ESX1: variants seen among roughly 807,000 people sequenced by gnomAD.
ESX1 encodes the protein homeobox protein ESX1.
A neutral mutation model predicts 13.2 loss-of-function variants in ESX1; 2 were observed. The observed-to-expected ratio is 0.15, with a 90% CI of 0.06 to 0.48. ESX1 has a LOEUF of 0.48. Ranked by LOEUF, ESX1 falls within the 20% of genes least tolerant of loss-of-function variation. The pLI, the probability that ESX1 is intolerant of heterozygous loss-of-function variation, is 0.97. For missense variants in ESX1, 307 were observed against 379.0 expected, an observed-to-expected ratio of 0.81 and a Z score of 1.58; for synonymous variants, 157 against 163.1, an observed-to-expected ratio of 0.96 and a Z score of 0.29.
Position 104,254,567 on chromosome X carries a change from A to G in ESX1, c.93T>C (p.Leu31=). 8.3e-7 allele frequency: 1 copy of G among 1,208,213 alleles called. No individual in the cohort carries two copies. The highest frequency in any genetic ancestry group is 1.1e-6 in the Non-Finnish European group (1 of 892,727). The stretch of plus-strand genomic sequence containing the variant: ...CCCTTGCCATCAGCGAGGTCACGGT[A>G]AGTTTCTCATCTGGGAAGGGAGGAA... ...EDIEEVNDEK[L]TVTSLMARGG... Residue 31 remains leucine (L), a synonymous_variant, in exon 2 of 4, where the codon CTT becomes CTC. Coordinates refer to ENST00000372588, the MANE Select transcript of ESX1 (RefSeq NM_153448.4).
At chrX:104,252,069 T>C (rs782706700) in intron 3 of ESX1, among the ~76,000 whole-genome samples, 4 of 112,050 alleles carry the variant, frequency 3.6e-5, no homozygotes, top group African/African-American at 1.3e-4. Context: ...TACCACTTAA[T>C]TGAAATATGT....
rs562250814 is a variant in ESX1 at position 104,250,719 on chromosome X, G to A, written c.730C>T (p.Pro244Ser). ...CVHLVPQLPR[P>S]PVLPVPPMPP... ...ATAGGTGGCACAGGCAGCACAGGTG[G>A]TCTAGGTAGTTGTGGCACCAGATGA... Residue 244 changes from proline to serine, a missense_variant, in exon 4 of 4, where the codon CCA becomes TCA. Pro to Ser is a moderately conservative substitution (Grantham distance 74, BLOSUM62 -1). This residue lies in a region of ESX1 where 108 missense variants were observed against 147.5 expected (regional missense o/e 0.73). Transcript: ENST00000372588. 5.0e-6 allele frequency: 6 copies of A among 1,210,216 alleles called. No homozygotes were observed. In the African/African-American group the frequency reaches 7.0e-5, roughly 14 times the overall value.
chrX:104,253,781 G>C (rs1416205765), intron 2 of ESX1, among the ~76,000 whole-genome samples: 1 of 112,273 alleles, frequency 8.9e-6, no homozygotes, highest in Non-Finnish European at 1.9e-5. Context: ...GTAAAAGTGC[G>C]CTCCACGTGG....
intron 3 of ESX1, among the ~76,000 whole-genome samples, chrX:104,252,073 AAT>A (rs1352282353): frequency 8.9e-6 from 1 of 111,825 alleles, no homozygotes; most frequent in Admixed American, 9.5e-5. Flanking sequence ...ACTTAATTGA[AAT>A]ATGTTAGCAA....
intron 3 of ESX1, among the ~76,000 whole-genome samples, chrX:104,252,394 C>T (rs1923204078): frequency 1.8e-5 from 2 of 111,643 alleles, no homozygotes; most frequent in Admixed American, 9.5e-5. Flanking sequence ...TAGAGGATAC[C>T]AGTGTTAGAA....
intron 1 of ESX1, 31 bp from the exon 2 acceptor site, chrX:104,254,608 A>C (rs1923283154): frequency 1.2e-5 from 14 of 1,190,789 alleles, no homozygotes; most frequent in Non-Finnish European, 1.5e-5. Flanking sequence ...AAGAGACACC[A>C]GGGCGTTGGA....
intron 3 of ESX1, among the ~76,000 whole-genome samples, chrX:104,252,548 G>T (rs1319882117): frequency 8.9e-6 from 1 of 112,287 alleles, no homozygotes; most frequent in African/African-American, 3.2e-5. Flanking sequence ...GAAGGAAGAT[G>T]AAAACACATC....
chrX:104,251,834 G>GT (rs1347855466), intron 3 of ESX1, among the ~76,000 whole-genome samples: 2 of 111,533 alleles, frequency 1.8e-5, no homozygotes, highest in African/African-American at 3.3e-5. Context: ...CATCTAAGAT[G>GT]TTTTTTCTAA....
chrX:104,254,104 G>T (rs1368507017), intron 2 of ESX1, 50 bp downstream of exon 2: 2 of 1,150,909 alleles, frequency 1.7e-6, no homozygotes, highest in Non-Finnish European at 1.2e-6. Flanking sequence ...TTTTAGCTCC[G>T]GTGAAAGGGT....
chrX:104,250,125 C>A lies in ESX1; in HGVS notation c.*103G>T. 1 of 925,309 alleles carries A rather than the reference C, an allele frequency of 1.1e-6. No homozygotes were observed. Among genetic ancestry groups the A allele is most frequent in the Non-Finnish European group, 1.4e-6 (1 of 694,220 alleles). The allele number at this position is 925,309 out of a possible 1,213,427, so 76.3% of individuals were successfully genotyped here. A position where few individuals can be genotyped will look rare whatever the true frequency, so the allele number is the denominator to read the frequency against. On this transcript the variant is annotated 3_prime_UTR_variant, in exon 4 of 4. Coordinates refer to ENST00000372588, the MANE Select transcript of ESX1 (RefSeq NM_153448.4). The stretch of plus-strand genomic sequence containing the variant: ...CATTCGTTAACTTTGTTCACCTACC[C>A]ACTTCATTTAACAAGCATCTAACGA...
intron 2 of ESX1, 50 bp downstream of exon 2, chrX:104,254,104 G>C (rs1368507017): frequency 8.7e-7 from 1 of 1,149,320 alleles, no homozygotes; most frequent in African/African-American, 1.8e-5. Flanking sequence ...TTTTAGCTCC[G>C]GTGAAAGGGT....
In ESX1 at chrX:104,250,770, G is replaced by C; in HGVS notation, c.679C>G (p.Pro227Ala). ...ACACACAAAGCAGGATCCAGAGCAG[G>C]AGCAGCATAATAGGCCCCACCCAAG... ...MFLGGAYYAA[P>A]ALDPALCVHL... Residue 227 changes from proline (P) to alanine (A), a missense_variant, in exon 4 of 4, where the codon CCT (proline) becomes GCT (alanine). By Grantham distance (27) the Pro-to-Ala change is conservative (BLOSUM62 -1). This residue lies in a region of ESX1 where 108 missense variants were observed against 147.5 expected (regional missense o/e 0.73). Coordinates refer to ENST00000372588, the MANE Select transcript of ESX1 (RefSeq NM_153448.4). 8.3e-7 allele frequency: 1 copy of C among 1,211,694 alleles called. No homozygotes were observed. The highest frequency in any genetic ancestry group is 1.1e-6 in the Non-Finnish European group (1 of 895,472).
In ESX1 at chrX:104,250,052, A is replaced by C. The variant is rs1160859774; in HGVS notation, c.*176T>G. The C allele has an allele frequency of 1.6e-5, 10 of 610,049 alleles. No homozygotes were observed. The highest frequency in any genetic ancestry group is 2.4e-5 in the Non-Finnish European group (10 of 419,788). The allele number at this position is 610,049 out of a possible 1,213,427, so 50.3% of individuals were successfully genotyped here. A position where few individuals can be genotyped will look rare whatever the true frequency, so the allele number is the denominator to read the frequency against. On this transcript the variant is annotated 3_prime_UTR_variant, in exon 4 of 4. Coordinates refer to ENST00000372588, the MANE Select transcript of ESX1 (RefSeq NM_153448.4). Reference sequence around the variant, plus strand: ...CAAAACCAACGTACTATTAAGTCACATCTTTATTGAAAATACTACAATTAT... The same window carrying C: ...CAAAACCAACGTACTATTAAGTCACCTCTTTATTGAAAATACTACAATTAT...
At chrX:104,251,915 T>C (rs2147917771) in intron 3 of ESX1, among the ~76,000 whole-genome samples, 2 of 112,545 alleles carry the variant, frequency 1.8e-5, no homozygotes, top group East Asian at 5.6e-4. Flanking sequence ...GTGTGACATC[T>C]GCAATGCATG....
intron 2 of ESX1, among the ~76,000 whole-genome samples, chrX:104,253,540 AGGGAAATTCTTTTTTGCTCTTTGCC>A (rs782133736): frequency 4.0e-4 from 45 of 112,167 alleles, no homozygotes; most frequent in Admixed American, 8.5e-4. Context: ...AGCGCGCCCT[AGGGAAATTCTTTTTTGCTCTTTGCC>A]GGGCGAAGGC....
chrX:104,250,952 G>A (rs1923170500), intron 3 of ESX1, 56 bp from the exon 4 acceptor site: 2 of 1,008,824 alleles, frequency 2.0e-6, no homozygotes, highest in Admixed American at 2.8e-5. Flanking sequence ...CGTCATAATA[G>A]AAAAAAACAT....
rs1173293988 is a variant in ESX1, at chrX:104,254,781, G to T, written c.69C>A (p.Ile23=). The T allele has an allele frequency of 8.3e-7, 1 of 1,209,158 alleles. No individual in the cohort carries two copies. The highest frequency in any genetic ancestry group is 1.1e-6 in the Non-Finnish European group (1 of 893,077). The change falls in exon 1 of 4, where the codon ATC becomes ATA. Residue 23 remains isoleucine, a synonymous_variant. Coordinates refer to ENST00000372588, the MANE Select transcript of ESX1 (RefSeq NM_153448.4). ...GYRSLAVGED[I]EEVNDEKLTV... ...CCAAGCACTAACCATTCACTTCCTC[G>T]ATGTCCTCGCCGACTGCCAGGCTGC...
intron 2 of ESX1, among the ~76,000 whole-genome samples, chrX:104,253,233 C>T (rs1338770844): frequency 9.2e-6 from 1 of 108,831 alleles, no homozygotes; most frequent in Non-Finnish European, 1.9e-5. Context: ...GGTTGGGACT[C>T]GCTTTAGGGA....
intron 3 of ESX1, among the ~76,000 whole-genome samples, chrX:104,252,142 C>T (rs987883781): frequency 3.6e-5 from 4 of 112,388 alleles, no homozygotes; most frequent in Non-Finnish European, 7.5e-5. Context: ...GGCTGCCACT[C>T]CCTACTTTAG....
Sources: gnomAD v4.1 joint callset for allele counts (sites outside exome capture counted in the v4.1 genomes callset) on GRCh38, gnomAD v4.1.1 for gene constraint, gnomAD v4.1.1 regional missense constraint, MANE v1.5 for transcripts, NCBI Gene and HGNC (gene_info 2026-07-23, HGNC 2026-07-21) for gene names.